PDXDC1: variants seen among roughly 807,000 people sequenced by gnomAD.
PDXDC1 encodes pyridoxal dependent decarboxylase domain containing 1.
A neutral mutation model predicts 100.1 loss-of-function variants in PDXDC1; 42 were observed. The ratio of observed to expected loss-of-function variants is 0.42; its 90% CI spans 0.33 to 0.54. PDXDC1 has a LOEUF of 0.54. Among genes scored for constraint, PDXDC1 ranks in the 20% least tolerant of loss-of-function variants. PDXDC1 has a pLI of 0.10. For missense variants in PDXDC1, 636 were observed against 979.2 expected (o/e 0.65, Z 4.68); for synonymous variants, 260 against 371.7 (o/e 0.70, Z 3.46).
chr16:14,988,156 C>T (rs1370678166), intron 1 of PDXDC1: 21 of 1,536,480 alleles, frequency 1.4e-5, no homozygotes, highest in Middle Eastern at 1.7e-4. Context: ...CAACAAGGCA[C>T]AAAGGGCGGG....
downstream of PDXDC1, among the ~76,000 whole-genome samples, chr16:15,039,422 C>T (rs545584215): frequency 7.2e-5 from 11 of 152,272 alleles, no homozygotes; most frequent in African/African-American, 2.4e-4. Context: ...TTAAAGAATT[C>T]TTTCACCCAT....
At chr16:15,065,537 C>T (rs138299609) in intron 16 of PDXDC1, among the ~76,000 whole-genome samples, 1 of 152,160 alleles carries the variant, frequency 6.6e-6, no homozygotes, top group Admixed American at 6.5e-5. Flanking sequence ...TTTTAGGGTA[C>T]CGTTCTATGG....
intron 16 of PDXDC1, chr16:15,084,506 G>A (rs899299158): frequency 4.7e-5 from 29 of 610,760 alleles, no homozygotes; most frequent in African/African-American, 4.6e-4. Flanking sequence ...AGAATGTAAT[G>A]TTTCCTCAAG....
At chr16:15,042,718 CTATTTATTTATT>C (rs58123477), downstream of PDXDC1, among the ~76,000 whole-genome samples, 8,771 of 147,088 alleles carry the variant, frequency 0.06, 381 homozygotes, top group African/African-American at 0.12. Flanking sequence ...AAAGGATGAA[CTATTTATTTATT>C]TATTTATTTA....
intron 16 of PDXDC1, among the ~76,000 whole-genome samples, chr16:15,050,471 A>C (rs2044250517): frequency 6.6e-6 from 1 of 152,142 alleles, no homozygotes; most frequent in Admixed American, 6.6e-5. Flanking sequence ...GATGGCTCCC[A>C]ACTGTAATTC....
At chr16:15,018,201 G>A (rs1403955244) in intron 11 of PDXDC1, among the ~76,000 whole-genome samples, 2 of 152,254 alleles carry the variant, frequency 1.3e-5, no homozygotes, top group African/African-American at 4.8e-5. Context: ...AGGAGTTTGA[G>A]ACCAGCCTGG....
chr16:15,140,115 A>AG (rs1467677982), downstream of PDXDC1, among the ~76,000 whole-genome samples: 15 of 148,446 alleles, frequency 1.0e-4, no homozygotes, highest in African/African-American at 3.8e-4. Context: ...AAAAAAAAAA[A>AG]AAAGAAAAGA....
intron 1 of PDXDC1, among the ~76,000 whole-genome samples, chr16:14,976,326 C>T (rs1347143368): frequency 6.6e-6 from 1 of 152,264 alleles, no homozygotes; most frequent in African/African-American, 2.4e-5. Flanking sequence ...TATATTTTGT[C>T]TTTTTTCAAG....
At chr16:15,020,111 CAAAAAAAAAAAA>C (rs56353637) in intron 12 of PDXDC1, among the ~76,000 whole-genome samples, 16 of 90,616 alleles carry the variant, frequency 1.8e-4, no homozygotes, top group East Asian at 5.9e-4. Context: ...GGCTCCGTCT[CAAAAAAAAAAAA>C]AAAAAAAAAA....
chr16:15,091,162 G>T (rs1218062824), intron 16 of PDXDC1, among the ~76,000 whole-genome samples: 1 of 152,104 alleles, frequency 6.6e-6, no homozygotes, highest in Admixed American at 6.6e-5. Context: ...CTTCTAGGGG[G>T]TAAAACTGTC....
rs1325931554 is a variant in PDXDC1 at position 15,022,885 on chromosome 16, CAAAACAAAAAAACGAAACAAAAAACA to C, written c.1140+145_1140+170del. 4 of 790,124 alleles carry C rather than the reference CAAAACAAAAAAACGAAACAAAAAACA, an allele frequency of 5.1e-6. No homozygotes were observed. The East Asian group carries it at 1.2e-4, about 24-fold the overall frequency. The allele number at this position is 790,124 out of a possible 1,614,324, so 48.9% of individuals were successfully genotyped here. A position where few individuals can be genotyped will look rare whatever the true frequency, so the allele number is the denominator to read the frequency against. ...AATTGTGGCAGCTCCAGTAAAAAAA[CAAAACAAAAAAACGAAACAAAAAACA>C]AAAACAAAAAAACCTGCTTATATTT... On this transcript the variant is annotated intron_variant, in intron 13 of 22. Transcript: ENST00000396410.
At chr16:15,054,342 C>A (rs571668482) in intron 16 of PDXDC1, among the ~76,000 whole-genome samples, 1 of 152,348 alleles carries the variant, frequency 6.6e-6, no homozygotes, top group Non-Finnish European at 1.5e-5. Context: ...TCGAGAGAAG[C>A]AGCCCCGGTA....
intron 16 of PDXDC1, chr16:15,132,595 C>T: frequency 1.3e-6 from 1 of 775,502 alleles, no homozygotes; most frequent in South Asian, 1.5e-5. Context: ...CCGAGGAACG[C>T]CATGGCATGA....
intron 1 of PDXDC1, among the ~76,000 whole-genome samples, chr16:14,984,495 A>ATATATATATATTT (rs1555542734): frequency 2.7e-5 from 2 of 73,486 alleles, no homozygotes; most frequent in East Asian, 6.6e-4. Flanking sequence ...ATATATATAT[A>ATATATATATATTT]TTTTTTTTTT....
intron 16 of PDXDC1, chr16:15,127,812 T>C (rs1038358381): frequency 3.8e-6 from 6 of 1,561,708 alleles, no homozygotes; most frequent in Non-Finnish European, 5.2e-6. Flanking sequence ...GCCGGTCCCA[T>C]ATGGAGAGCC....
intron 13 of PDXDC1, among the ~76,000 whole-genome samples, chr16:15,023,606 C>G (rs1327731150): frequency 5.9e-5 from 9 of 152,280 alleles, no homozygotes; most frequent in African/African-American, 2.2e-4. Flanking sequence ...TTGCAGTGAG[C>G]CGAGATTGCG....
chr16:15,043,531 G>A (rs2043918543), intron 16 of PDXDC1, among the ~76,000 whole-genome samples: 1 of 152,222 alleles, frequency 6.6e-6, no homozygotes, highest in African/African-American at 2.4e-5. Flanking sequence ...GGCAGAGTGA[G>A]GCCTTCAGTC....
Position 15,112,098 on chromosome 16 carries a change from A to G in PDXDC1, c.1400-26781A>G, listed in dbSNP as rs1156857969. Among the ~76,000 whole-genome samples the G allele has an allele frequency of 2.0e-5, 3 of 147,964 alleles. No homozygotes were observed. In the East Asian group the frequency reaches 5.8e-4, roughly 29 times the overall value. ...ATGACTGAATTCCCACCAAATTTCC[A>G]TATTATCACAGTATGCTTTTAATCT... On this transcript the variant is annotated intron_variant, in intron 16 of 16. Transcript: ENST00000535621.
Position 15,036,087 on chromosome 16 carries a change from G to A in PDXDC1, c.2179G>A (p.Glu727Lys), listed in dbSNP as rs2043428697. Residue 727 changes from glutamate to lysine, a missense_variant, in exon 23 of 23, where the codon GAA becomes AAA. Around this residue, in one of 4 missense-constraint regions of PDXDC1, gnomAD observed 452 missense variants for 402.9 expected, o/e 1.12. Transcript: ENST00000396410. The part of the protein sequence containing the change: ...LSETSSVSHI[E>K]DLEKVERLSS... ...TGAGACCAGCTCAGTCAGTCACATT[G>A]AAGACTTAGAAAAGGTGGAGCGCCT... 6.2e-7 allele frequency: 1 copy of A among 1,613,996 alleles called. No individual in the cohort carries two copies. Among genetic ancestry groups the A allele is most frequent in the East Asian group, 2.2e-5 (1 of 44,894 alleles).
Sources: allele counts gnomAD v4.1 joint callset (sites outside exome capture counted in the v4.1 genomes callset), GRCh38; gene constraint gnomAD v4.1.1; regional missense constraint gnomAD v4.1.1; transcripts MANE v1.5; gene names NCBI Gene and HGNC (gene_info 2026-07-23, HGNC 2026-07-21).